The following NXPE4 variants were observed in gnomAD, a reference collection of about 807,000 sequenced individuals.
NXPE4 encodes the protein NXPE family member 4.
Under a neutral mutation model 33.3 loss-of-function variants are expected in NXPE4, and 42 were observed. The observed-to-expected ratio is 1.26, with a 90% CI of 0.98 to 1.63. The LOEUF (loss-of-function observed/expected upper bound fraction) is 1.63, where lower values mean the gene tolerates loss of function less well. NXPE4 is among the 40% of genes most tolerant of loss of function. The pLI, the probability that NXPE4 is intolerant of heterozygous loss-of-function variation, is 0.00. For missense variants in NXPE4, 709 were observed against 647.6 expected (o/e 1.09, Z -1.03); for synonymous variants, 253 against 234.9 (o/e 1.08, Z -0.71).
At chr11:114,571,955 C>T (rs1341973790) in intron 5 of NXPE4, among the ~76,000 whole-genome samples, 1 of 152,184 alleles carries the variant, frequency 6.6e-6, no homozygotes, top group Non-Finnish European at 1.5e-5. Context: ...ACAAAACCAG[C>T]ACACTAAACA....
chr11:114,580,081 G>A (rs1390873979), intron 5 of NXPE4, 51 bp downstream of exon 5: 3 of 1,453,252 alleles, frequency 2.1e-6, no homozygotes, highest in Non-Finnish European at 2.9e-6. Context: ...CTTTGAAATG[G>A]AAAAGAAGTT....
At chr11:114,652,232 T>C in the NXPE4 span, among the ~76,000 whole-genome samples, 1 of 152,280 alleles carries the variant, frequency 6.6e-6, no homozygotes, top group Non-Finnish European at 1.5e-5. Context: ...AGCAGGTGAA[T>C]TTGGTGCATG....
In NXPE4 at chr11:114,571,369, A is replaced by G. The variant is rs772963501; in HGVS notation, c.1204T>C (p.Leu402=). The part of the protein sequence containing the change: ...NIQWQKYCYP[L]IGSMTYSVKE... ...ACTGAATAGGTCATTGATCCTATCAAGGGATAACAATATTTTTGCCACTGG... is the reference window on the plus strand; with the variant it reads ...ACTGAATAGGTCATTGATCCTATCAGGGGATAACAATATTTTTGCCACTGG... Residue 402 remains leucine, a synonymous_variant, in exon 6 of 6, where the codon TTG becomes CTG. Transcript: ENST00000375478. 6.2e-7 allele frequency: 1 copy of G among 1,614,018 alleles called. No individual in the cohort carries two copies. The highest frequency in any genetic ancestry group is 8.5e-7 in the Non-Finnish European group (1 of 1,179,916).
At chr11:114,585,265 AT>A (rs1420722145) in intron 2 of NXPE4, among the ~76,000 whole-genome samples, 1 of 151,594 alleles carries the variant, frequency 6.6e-6, no homozygotes, top group Non-Finnish European at 1.5e-5. Context: ...TTGAGATACT[AT>A]TTTTATTTTT....
At chr11:114,605,345 G>T in the NXPE4 span, among the ~76,000 whole-genome samples, 1 of 151,954 alleles carries the variant, frequency 6.6e-6, no homozygotes, top group Non-Finnish European at 1.5e-5. Context: ...ATTGCCTCGT[G>T]GGTGACCACT....
At chr11:114,600,632 A>G (rs1949626386), upstream of NXPE4, among the ~76,000 whole-genome samples, 2 of 152,088 alleles carry the variant, frequency 1.3e-5, no homozygotes, top group African/African-American at 4.8e-5. Flanking sequence ...AGCTAAGGAG[A>G]CATGATGACT....
At chr11:114,654,612 G>A in the NXPE4 span, among the ~76,000 whole-genome samples, 13 of 152,066 alleles carry the variant, frequency 8.5e-5, no homozygotes, top group Admixed American at 3.3e-4. Context: ...TGAGGATGAT[G>A]GCTTCCAGCT....
chr11:114,656,112 A>G, the NXPE4 span, among the ~76,000 whole-genome samples: 62 of 152,282 alleles, frequency 4.1e-4, no homozygotes, highest in Non-Finnish European at 6.9e-4. Context: ...TATAAAAATC[A>G]TAAGTATTCC....
chr11:114,630,506 T>A, the NXPE4 span, among the ~76,000 whole-genome samples: 2 of 151,598 alleles, frequency 1.3e-5, no homozygotes, highest in African/African-American at 4.9e-5. Flanking sequence ...TCCTTACACC[T>A]TATACAAAAA....
At chr11:114,621,262 C>G in the NXPE4 span, among the ~76,000 whole-genome samples, 1 of 152,078 alleles carries the variant, frequency 6.6e-6, no homozygotes, top group African/African-American at 2.4e-5. Flanking sequence ...TACGTGTTGC[C>G]TCATGGGTAA....
the NXPE4 span, among the ~76,000 whole-genome samples, chr11:114,638,288 T>C: frequency 6.6e-6 from 1 of 152,096 alleles, no homozygotes; most frequent in Non-Finnish European, 1.5e-5. Context: ...CTTCATGTAG[T>C]TCTCGAGCCT....
At chr11:114,607,624 G>A in the NXPE4 span, among the ~76,000 whole-genome samples, 1 of 151,600 alleles carries the variant, frequency 6.6e-6, no homozygotes, top group Admixed American at 6.6e-5. Context: ...GTTACCCGGT[G>A]GATAAGTGTT....
chr11:114,596,479 CA>C (rs1949574179), upstream of NXPE4, among the ~76,000 whole-genome samples: 1 of 152,144 alleles, frequency 6.6e-6, no homozygotes, highest in Non-Finnish European at 1.5e-5. Context: ...TCAATCTTTC[CA>C]GTCTTATGTT....
At chr11:114,662,322 C>T in the NXPE4 span, among the ~76,000 whole-genome samples, 1 of 152,130 alleles carries the variant, frequency 6.6e-6, no homozygotes, top group Non-Finnish European at 1.5e-5. Context: ...TCAGCTGATG[C>T]CCACCCACAG....
chr11:114,638,927 C>T, the NXPE4 span, among the ~76,000 whole-genome samples: 908 of 144,894 alleles, frequency 6.3e-3, 11 homozygotes, highest in Non-Finnish European at 0.01. Context: ...CAGGGACCCA[C>T]TTGAGGAGGC....
upstream of NXPE4, among the ~76,000 whole-genome samples, chr11:114,598,446 C>G (rs553402717): frequency 2.1e-4 from 32 of 152,360 alleles, no homozygotes; most frequent in South Asian, 6.2e-4. Context: ...CACATTGTCC[C>G]TCCACACTGC....
At chr11:114,665,087 A>G in the NXPE4 span, among the ~76,000 whole-genome samples, 1 of 152,160 alleles carries the variant, frequency 6.6e-6, no homozygotes, top group African/African-American at 2.4e-5. Flanking sequence ...TTATATTCCC[A>G]TTTATCAAAC....
chr11:114,633,910 C>G, the NXPE4 span, among the ~76,000 whole-genome samples: 1 of 151,926 alleles, frequency 6.6e-6, no homozygotes, highest in African/African-American at 2.4e-5. Context: ...GTGAGTAGTG[C>G]CACAATAAAC....
chr11:114,635,200 C>G, the NXPE4 span, among the ~76,000 whole-genome samples: 1 of 149,518 alleles, frequency 6.7e-6, no homozygotes, highest in South Asian at 2.2e-4. Context: ...AGTTGGATTC[C>G]TAGGTATTTT....
Sources: gnomAD v4.1 joint callset for allele counts (sites outside exome capture counted in the v4.1 genomes callset) on GRCh38, gnomAD v4.1.1 for gene constraint, MANE v1.5 for transcripts, NCBI Gene and HGNC (gene_info 2026-07-23, HGNC 2026-07-21) for gene names.